MBD5: variants seen among roughly 807,000 people sequenced by gnomAD.
The protein encoded by MBD5 is methyl-CpG binding domain protein 5.
MBD5 carries 13 observed loss-of-function variants against 117.3 expected under a neutral mutation model. The ratio of observed to expected loss-of-function variants is 0.11; its 90% confidence interval spans 0.07 to 0.18. The LOEUF (loss-of-function observed/expected upper bound fraction) is 0.18. Among genes scored for constraint, MBD5 ranks in the 10% least tolerant of loss-of-function variants. The pLI is 1.00. For missense variants in MBD5, 1,879 were observed against 2,093.8 expected (o/e 0.90, Z 2.00); for synonymous variants, 727 against 766.4 (o/e 0.95, Z 0.85).
chr2:148,056,759 T>C (rs983126459), intron 1 of MBD5, among the ~76,000 whole-genome samples: 2 of 151,932 alleles, frequency 1.3e-5, no homozygotes, highest in African/African-American at 4.8e-5. Flanking sequence ...AAAAAATGAG[T>C]CCATACGTTT....
rs964393357 is a variant in MBD5 at position 148,488,506 on chromosome 2, A to T, written c.3754-880A>T. ...GCCTGGTAAATGTAGACAGGGTGAT[A>T]ATAGCAAGAGAGAGGCTGATGTGTC... is the stretch of plus-strand genomic sequence containing the variant. On this transcript the variant is annotated intron_variant, in intron 10 of 13. Transcript: ENST00000642680. Among the ~76,000 whole-genome samples, 2 of 152,088 alleles carry T rather than the reference A, an allele frequency of 1.3e-5. 1 individual carries two copies. The highest frequency in any genetic ancestry group is 1.3e-4 in the Admixed American group (2 of 15,278).
intron 3 of MBD5, among the ~76,000 whole-genome samples, chr2:148,284,811 G>A (rs927483414): frequency 6.6e-6 from 1 of 151,776 alleles, no homozygotes; most frequent in Non-Finnish European, 1.5e-5. Context: ...TATATACATA[G>A]ATTTGTGTAA....
At chr2:148,368,518 A>G (rs754816267) in intron 4 of MBD5, among the ~76,000 whole-genome samples, 1 of 152,186 alleles carries the variant, frequency 6.6e-6, no homozygotes, top group Non-Finnish European at 1.5e-5. Flanking sequence ...AAAAATATTT[A>G]AAAAGAGCAT....
intron 3 of MBD5, among the ~76,000 whole-genome samples, chr2:148,327,445 G>A (rs1001832974): frequency 1.3e-5 from 2 of 151,730 alleles, no homozygotes; most frequent in Admixed American, 1.3e-4. Context: ...CTGCAGAGGG[G>A]GGGTTCCATT....
chr2:148,154,353 T>C (rs1697796251), intron 1 of MBD5, among the ~76,000 whole-genome samples: 1 of 151,744 alleles, frequency 6.6e-6, no homozygotes, highest in Admixed American at 6.6e-5. Context: ...GACAGGGACA[T>C]TTAAGTCTGC....
intron 2 of MBD5, among the ~76,000 whole-genome samples, chr2:148,230,814 G>A (rs145133749): frequency 6.6e-6 from 1 of 152,132 alleles, no homozygotes; most frequent in African/African-American, 2.4e-5. Context: ...AGGTTGCCTT[G>A]TTGCCCAGGG....
Position 148,119,908 on chromosome 2 carries a change from C to CTT in MBD5, c.-924-58781_-924-58780dup, listed in dbSNP as rs34565714. The stretch of plus-strand genomic sequence containing the variant: ...TGATTACTATAGCTTTGTAATTTGC[C>CTT]TTTTTTTTTTTTGGAGACAGGGTCT... On this transcript the variant is annotated intron_variant, in intron 1 of 13. Transcript: ENST00000642680. 9.0e-4 allele frequency among the ~76,000 whole-genome samples: 131 copies of CTT among 145,020 alleles called. 1 individual carries two copies. Among genetic ancestry groups the CTT allele is most frequent in the Non-Finnish European group, 1.2e-3 (78 of 66,370 alleles).
At chr2:148,048,242 G>T (rs1157203027) in intron 1 of MBD5, among the ~76,000 whole-genome samples, 1 of 152,132 alleles carries the variant, frequency 6.6e-6, no homozygotes, top group Admixed American at 6.5e-5. Flanking sequence ...ACAATGCCTG[G>T]TCCGTCTCAG....
intron 1 of MBD5, among the ~76,000 whole-genome samples, chr2:148,171,263 C>T (rs550474962): frequency 6.6e-5 from 10 of 152,228 alleles, no homozygotes; most frequent in Admixed American, 1.3e-4. Flanking sequence ...AATGCAACAA[C>T]GCATTAAAAA....
intron 4 of MBD5, among the ~76,000 whole-genome samples, chr2:148,387,377 T>C (rs1425743088): frequency 6.6e-6 from 1 of 152,084 alleles, no homozygotes; most frequent in Non-Finnish European, 1.5e-5. Flanking sequence ...AAAAAACCTC[T>C]TTGCAAAATA....
At chr2:148,329,387 A>G (rs1194941358) in intron 3 of MBD5, among the ~76,000 whole-genome samples, 2 of 152,204 alleles carry the variant, frequency 1.3e-5, no homozygotes, top group African/African-American at 4.8e-5. Flanking sequence ...TTTACTTTCA[A>G]TTTTTATTCT....
intron 1 of MBD5, among the ~76,000 whole-genome samples, chr2:148,036,935 C>A (rs1001261032): frequency 3.3e-5 from 5 of 151,598 alleles, no homozygotes; most frequent in Admixed American, 2.6e-4. Context: ...GGTTGGGGGA[C>A]CCAGAAAATA....
At chr2:148,029,754 G>A (rs1017982589) in intron 1 of MBD5, among the ~76,000 whole-genome samples, 7 of 151,866 alleles carry the variant, frequency 4.6e-5, no homozygotes, top group African/African-American at 1.5e-4. Context: ...CTTTTTTTAC[G>A]AAACCAAATT....
At chr2:148,488,865 C>T (rs1056632520) in intron 10 of MBD5, among the ~76,000 whole-genome samples, 1 of 151,918 alleles carries the variant, frequency 6.6e-6, no homozygotes, top group Non-Finnish European at 1.5e-5. Flanking sequence ...TATTACTACC[C>T]CATCTGAAAA....
At chr2:148,347,626 CA>C (rs1382692356) in intron 4 of MBD5, 1 of 151,770 alleles carries the variant, frequency 6.6e-6, no homozygotes, top group Non-Finnish European at 1.5e-5. Context: ...CCGACTTATC[CA>C]AAAGGCACAG....
At chr2:148,346,189 AAAGAAG>A (rs59759229) in intron 4 of MBD5, 12 of 151,326 alleles carry the variant, frequency 7.9e-5, no homozygotes, top group East Asian at 5.9e-4. Flanking sequence ...CTCTATTTGA[AAAGAAG>A]AAGAAGAAGA....
At chr2:148,184,115 G>A (rs1044435315) in intron 2 of MBD5, among the ~76,000 whole-genome samples, 1 of 150,838 alleles carries the variant, frequency 6.6e-6, no homozygotes, top group Non-Finnish European at 1.5e-5. Context: ...GGGCCCAAGC[G>A]ATTCTCCCAC....
At chr2:148,299,231 G>A (rs966597785) in intron 3 of MBD5, among the ~76,000 whole-genome samples, 5 of 151,842 alleles carry the variant, frequency 3.3e-5, no homozygotes, top group Non-Finnish European at 7.4e-5. Flanking sequence ...AGGTTCAAGC[G>A]ATTCTTCTGC....
At chr2:148,429,659 T>C (rs1283114040) in intron 4 of MBD5, among the ~76,000 whole-genome samples, 2 of 152,150 alleles carry the variant, frequency 1.3e-5, no homozygotes, top group Non-Finnish European at 2.9e-5. Context: ...TGGAATGCTA[T>C]GCAGCCATGA....
Sources: gnomAD v4.1 joint callset for allele counts (sites outside exome capture counted in the v4.1 genomes callset) on GRCh38, gnomAD v4.1.1 for gene constraint, MANE v1.5 for transcripts, NCBI Gene and HGNC (gene_info 2026-07-23, HGNC 2026-07-21) for gene names.